Variants in FREM1 observed in about 807,000 individuals in gnomAD.
FREM1 encodes FRAS1 related extracellular matrix 1.
In FREM1, 220 loss-of-function variants were observed where a neutral mutation model predicts 210.1. The observed-to-expected ratio is 1.05, with a 90% confidence interval of 0.94 to 1.17. The LOEUF (loss-of-function observed/expected upper bound fraction) is 1.17. FREM1 is among the 50% of genes most tolerant of loss of function. The pLI, the probability that FREM1 is intolerant of heterozygous loss-of-function variation, is 0.00. For missense variants in FREM1, 3,454 were observed against 2,675.5 expected, an observed-to-expected ratio of 1.29 and a Z score of -6.42; for synonymous variants, 1,189 against 980.2, an observed-to-expected ratio of 1.21 and a Z score of -3.98.
chr9:14,845,466 G>A (rs772471431), intron 8 of FREM1, among the ~76,000 whole-genome samples: 23 of 151,926 alleles, frequency 1.5e-4, no homozygotes, highest in Admixed American at 4.6e-4. Context: ...CACCATGCCC[G>A]GCTAATTTTT....
intron 16 of FREM1, among the ~76,000 whole-genome samples, chr9:14,809,806 G>A (rs1436633575): frequency 6.6e-6 from 1 of 152,152 alleles, no homozygotes; most frequent in Non-Finnish European, 1.5e-5. Context: ...AATGTCAAAA[G>A]ACCACACTAT....
chr9:14,778,120 C>A (rs1278539082), intron 24 of FREM1, among the ~76,000 whole-genome samples: 1 of 152,110 alleles, frequency 6.6e-6, no homozygotes, highest in East Asian at 1.9e-4. Context: ...TCCCCCACAG[C>A]AGCATTTTTT....
At chr9:14,902,715 T>G (rs1396130701) in intron 1 of FREM1, among the ~76,000 whole-genome samples, 1 of 152,204 alleles carries the variant, frequency 6.6e-6, no homozygotes, top group Non-Finnish European at 1.5e-5. Flanking sequence ...TTTGAAAGAT[T>G]CTGTAAAAGT....
intron 8 of FREM1, 45 bp downstream of exon 8, chr9:14,845,915 A>C (rs1826518444): frequency 1.2e-6 from 2 of 1,604,814 alleles, no homozygotes; most frequent in South Asian, 1.1e-5. Flanking sequence ...TTTTGAAGAA[A>C]ATACTTTTGG....
At chr9:14,766,012 T>A (rs1169001197) in intron 27 of FREM1, among the ~76,000 whole-genome samples, 1 of 152,112 alleles carries the variant, frequency 6.6e-6, no homozygotes, top group African/African-American at 2.4e-5. Context: ...TCTTGGAGAT[T>A]CAACTTGGAC....
intron 2 of FREM1, among the ~76,000 whole-genome samples, chr9:14,864,213 T>C (rs1831108608): frequency 6.6e-6 from 1 of 152,216 alleles, no homozygotes. Context: ...ATTTAAAACA[T>C]ACTTTCATTT....
intron 18 of FREM1, among the ~76,000 whole-genome samples, chr9:14,806,241 T>C (rs1054656037): frequency 2.0e-4 from 30 of 149,840 alleles, no homozygotes; most frequent in African/African-American, 7.1e-4. Flanking sequence ...TGAATACATA[T>C]GGTGCTTTAA....
intron 3 of FREM1, among the ~76,000 whole-genome samples, chr9:14,861,014 T>TATATACAC (rs1830183237): frequency 3.0e-5 from 3 of 98,406 alleles, no homozygotes; most frequent in Non-Finnish European, 5.5e-5. Flanking sequence ...CATATATACA[T>TATATACAC]ATATACACAT....
At chr9:14,894,918 T>C (rs1404041130) in intron 1 of FREM1, among the ~76,000 whole-genome samples, 2 of 152,242 alleles carry the variant, frequency 1.3e-5, no homozygotes. Flanking sequence ...TGCGCTTTCC[T>C]TTAAGGAATT....
At chr9:14,847,442 G>C (rs974624881) in intron 7 of FREM1, among the ~76,000 whole-genome samples, 1 of 26,044 alleles carries the variant, frequency 3.8e-5, no homozygotes, top group Non-Finnish European at 9.1e-5. Context: ...GGGAGGGAGG[G>C]AGGGAGGGAG....
chr9:14,750,317 TTC>T, intron 29 of FREM1, 41 bp from the exon 30 acceptor site: 1 of 1,488,802 alleles, frequency 6.7e-7, no homozygotes, highest in East Asian at 2.3e-5. Flanking sequence ...TAATTGCTAT[TTC>T]AATCACCTAG....
intron 16 of FREM1, among the ~76,000 whole-genome samples, chr9:14,809,404 C>T (rs192466691): frequency 7.2e-5 from 11 of 152,172 alleles, no homozygotes; most frequent in Admixed American, 6.5e-4. Flanking sequence ...GACATCCTCC[C>T]TTTTCAGCAG....
rs1817323691 is a variant in FREM1, at chr9:14,801,723, T to C, written c.3623A>G (p.Asn1208Ser). ...DRGFSKDFSE[N>S]KQPANPHQKH... ...CTGGTGAGGGTTGGCTGGCTGCTTATTCTCAGAGAAGTCTTTGCTAAACCC... is the reference window on the plus strand; with the variant it reads ...CTGGTGAGGGTTGGCTGGCTGCTTACTCTCAGAGAAGTCTTTGCTAAACCC... The change falls in exon 20 of 37, where the codon AAT (asparagine) becomes AGT (serine). Residue 1208 changes from asparagine to serine, a missense_variant. Coordinates refer to ENST00000380880, the MANE Select transcript of FREM1 (RefSeq NM_001379081.2). The C allele has an allele frequency of 3.1e-6, 5 of 1,613,892 alleles. No individual in the cohort carries two copies. The African/African-American group carries it at 5.3e-5, about 17-fold the overall frequency.
At chr9:14,800,952 T>TTTGA (rs947403945) in intron 20 of FREM1, among the ~76,000 whole-genome samples, 4 of 152,148 alleles carry the variant, frequency 2.6e-5, no homozygotes, top group Non-Finnish European at 5.9e-5. Context: ...AATGGGGTGT[T>TTTGA]TTGATGCATG....
chr9:14,871,264 C>A (rs2131897750), intron 1 of FREM1, among the ~76,000 whole-genome samples: 1 of 152,318 alleles, frequency 6.6e-6, no homozygotes, highest in Non-Finnish European at 1.5e-5. Context: ...AGTTTACAGT[C>A]CTACCAACAG....
chr9:14,744,930 T>C (rs1842149692), intron 35 of FREM1, among the ~76,000 whole-genome samples: 1 of 152,206 alleles, frequency 6.6e-6, no homozygotes, highest in Admixed American at 6.6e-5. Context: ...TGGAATACTA[T>C]GCAGCCATAA....
At chr9:14,842,689 T>A in intron 8 of FREM1, 29 bp from the exon 9 acceptor site, 1 of 1,546,874 alleles carries the variant, frequency 6.5e-7, no homozygotes. Context: ...ATGGAGCAGA[T>A]TGAGCAAGGG....
chr9:14,765,025 C>T (rs549439188), intron 27 of FREM1, among the ~76,000 whole-genome samples: 1 of 152,146 alleles, frequency 6.6e-6, no homozygotes, highest in Non-Finnish European at 1.5e-5. Context: ...CATGAATTCT[C>T]ATTAAGTATT....
At chr9:14,872,464 CTGTT>C (rs1832855162) in intron 1 of FREM1, among the ~76,000 whole-genome samples, 1 of 152,156 alleles carries the variant, frequency 6.6e-6, no homozygotes, top group Non-Finnish European at 1.5e-5. Context: ...ACTTGGCTTT[CTGTT>C]TGTCTTTTAT....
Sources: gnomAD v4.1 joint callset for allele counts (sites outside exome capture counted in the v4.1 genomes callset) on GRCh38, gnomAD v4.1.1 for gene constraint, MANE v1.5 for transcripts, NCBI Gene and HGNC (gene_info 2026-07-23, HGNC 2026-07-21) for gene names.